The following ADCY5 variants were observed in gnomAD, a reference collection of about 807,000 sequenced individuals.
The protein encoded by ADCY5 is adenylate cyclase 5.
In ADCY5, 30 loss-of-function variants were observed where a neutral mutation model predicts 119.7. The ratio of observed to expected loss-of-function variants is 0.25; its 90% CI spans 0.19 to 0.34. The LOEUF (loss-of-function observed/expected upper bound fraction) is 0.34. Among genes scored for constraint, ADCY5 ranks in the 10% least tolerant of loss-of-function variants. The pLI is 1.00. For missense variants in ADCY5, 1,324 were observed against 1,775.2 expected, an observed-to-expected ratio of 0.75 and a Z score of 4.57; for synonymous variants, 753 against 762.2, an observed-to-expected ratio of 0.99 and a Z score of 0.20.
intron 1 of ADCY5, chr3:123,368,081 A>C: frequency 7.0e-7 from 1 of 1,424,060 alleles, no homozygotes. Context: ...CAGTGAGAGG[A>C]GTGCTATGCT....
intron 11 of ADCY5, among the ~76,000 whole-genome samples, chr3:123,317,769 A>C (rs1940997196): frequency 6.6e-6 from 1 of 151,334 alleles, no homozygotes; most frequent in Non-Finnish European, 1.5e-5. Flanking sequence ...AAAAAAAAGA[A>C]GCATCTTTCA....
chr3:123,399,623 A>C (rs1944701103), intron 1 of ADCY5, among the ~76,000 whole-genome samples: 1 of 152,060 alleles, frequency 6.6e-6, no homozygotes, highest in South Asian at 2.1e-4. Context: ...GTACAGCATC[A>C]CTTTTCTCAG....
intron 4 of ADCY5, among the ~76,000 whole-genome samples, chr3:123,331,739 T>C (rs544521253): frequency 1.3e-5 from 2 of 150,434 alleles, no homozygotes; most frequent in Non-Finnish European, 1.5e-5. Flanking sequence ...GGGATTCAAG[T>C]GCCCTTGTGG....
intron 3 of ADCY5, among the ~76,000 whole-genome samples, chr3:123,347,439 C>T (rs1467121938): frequency 1.3e-5 from 2 of 152,116 alleles, no homozygotes; most frequent in African/African-American, 4.8e-5. Flanking sequence ...ATGGTGGTGA[C>T]ATTCGGGTCC....
chr3:123,312,683 A>G (rs1940649517), intron 12 of ADCY5, among the ~76,000 whole-genome samples: 1 of 152,172 alleles, frequency 6.6e-6, no homozygotes, highest in Admixed American at 6.5e-5. Flanking sequence ...TCTTTCACTC[A>G]GCGTCATGTT....
At chr3:123,441,750 TG>T (rs1468844881) in intron 1 of ADCY5, among the ~76,000 whole-genome samples, 1 of 152,174 alleles carries the variant, frequency 6.6e-6, no homozygotes, top group Non-Finnish European at 1.5e-5. Flanking sequence ...CACTCTCCTT[TG>T]AAGTCTAGAA....
At chr3:123,306,816 C>T (rs558826625) in intron 12 of ADCY5, among the ~76,000 whole-genome samples, 99 of 152,292 alleles carry the variant, frequency 6.5e-4, no homozygotes, top group Non-Finnish European at 8.8e-4. Flanking sequence ...TGTATTCTTC[C>T]TAATAGCCTG....
At chr3:123,297,176 T>C (rs1939568063) in intron 16 of ADCY5, 177 bp downstream of exon 16, 3 of 1,352,018 alleles carry the variant, frequency 2.2e-6, no homozygotes, top group African/African-American at 1.4e-5. Context: ...GACCAGGGCC[T>C]CTGCCCCCCG....
At chr3:123,373,758 G>A (rs1003022529) in intron 1 of ADCY5, among the ~76,000 whole-genome samples, 4 of 37,074 alleles carry the variant, frequency 1.1e-4, no homozygotes, top group Non-Finnish European at 2.0e-4. Flanking sequence ...GAAGCATCAC[G>A]CCCCCCCCCC....
intron 14 of ADCY5, among the ~76,000 whole-genome samples, chr3:123,300,972 G>A (rs184139222): frequency 3.3e-5 from 5 of 152,250 alleles, no homozygotes; most frequent in Admixed American, 3.3e-4. Context: ...AAATTCTGAA[G>A]ACCAAAATAT....
At chr3:123,304,204 G>A (rs376027155) in intron 12 of ADCY5, 21 bp from the exon 13 acceptor site, 1 of 818,480 alleles carries the variant, frequency 1.2e-6, no homozygotes, top group African/African-American at 1.7e-5. Context: ...GGCAGGGGTG[G>A]AGAGGGAGGG....
rs893683034 is a variant in ADCY5 at position 123,283,499 on chromosome 3, A to G, written c.*1109T>C. On this transcript the variant is annotated 3_prime_UTR_variant, in exon 21 of 21. Transcript: ENST00000462833. ...GTGTGTACATACGTGTGCGTGTGTCAGAAAAGATGGGGCAGTGTGTCCATG... is the reference window on the plus strand; with the variant it reads ...GTGTGTACATACGTGTGCGTGTGTCGGAAAAGATGGGGCAGTGTGTCCATG... 2 of 151,486 alleles carry G rather than the reference A, an allele frequency of 1.3e-5. No homozygotes were observed. Among genetic ancestry groups the G allele is most frequent in the African/African-American group, 4.9e-5 (2 of 40,712 alleles). The allele number at this position is 151,486 out of a possible 1,614,324, so 9.4% of individuals were successfully genotyped here.
chr3:123,425,357 C>A (rs989427472), intron 1 of ADCY5, among the ~76,000 whole-genome samples: 5 of 152,274 alleles, frequency 3.3e-5, no homozygotes, highest in Admixed American at 6.5e-5. Context: ...CCTCGGGTGT[C>A]CCATTTGATG....
intron 16 of ADCY5, among the ~76,000 whole-genome samples, chr3:123,296,674 T>C (rs897583017): frequency 6.6e-6 from 1 of 151,946 alleles, no homozygotes; most frequent in Non-Finnish European, 1.5e-5. Flanking sequence ...TGCTTATCTG[T>C]ACAACAGGAT....
intron 9 of ADCY5, 72 bp from the exon 10 acceptor site, chr3:123,319,890 C>T: frequency 6.4e-7 from 1 of 1,572,330 alleles, no homozygotes. Flanking sequence ...GCTCTTCCGA[C>T]CATCCCCCCA....
At position 123,448,270 on chromosome 3, in the gene ADCY5, G is replaced by GC; in HGVS notation, c.275dup (p.Phe93LeufsTer235). On this transcript the variant is annotated frameshift_variant, in exon 1 of 21. Transcript: ENST00000462833. LOFTEE classifies it high-confidence loss of function. ...ACTTGGAGCGGAAGCTGAAGCCGAAGCCCCCGGCCAGGGGGTCGTCACCGC... is the reference window on the plus strand; with the variant it reads ...ACTTGGAGCGGAAGCTGAAGCCGAAGCCCCCCGGCCAGGGGGTCGTCACCGC... 1 of 1,514,566 alleles carries GC rather than the reference G, an allele frequency of 6.6e-7. No individual in the cohort carries two copies. The allele number at this position is 1,514,566 out of a possible 1,614,324, so 93.8% of individuals were successfully genotyped here.
In ADCY5 at chr3:123,286,632, T is replaced by A. The variant is rs199751744; in HGVS notation, c.3657+53A>T. 582 of 1,534,126 alleles carry A rather than the reference T, an allele frequency of 3.8e-4. 1 individual carries two copies. The highest frequency in any genetic ancestry group is 4.9e-4 in the Non-Finnish European group (559 of 1,145,966). On this transcript the variant is annotated intron_variant, in intron 20 of 20. Coordinates refer to ENST00000462833, the MANE Select transcript of ADCY5 (RefSeq NM_183357.3). This position sits in a 1 kb window ranked among gnomAD's most constrained non-coding sequence, Gnocchi z 4.2. ...GGCCTGCCCTGAAGACCTCTCGGTGTCAGACACAGGACCTCCCATGGGGTG... is the reference window on the plus strand; with the variant it reads ...GGCCTGCCCTGAAGACCTCTCGGTGACAGACACAGGACCTCCCATGGGGTG...
rs546271038 is a variant in ADCY5, at chr3:123,410,967, T to C, written c.1134+36445A>G. ...CCCATCCTTATTCAAACTACTTAAA[T>C]AGCTATCACCTACTGGATACGGCCT... On this transcript the variant is annotated intron_variant, in intron 1 of 20. Coordinates refer to ENST00000462833, the MANE Select transcript of ADCY5 (RefSeq NM_183357.3). Among the ~76,000 whole-genome samples the C allele has an allele frequency of 1.4e-4, 21 of 152,248 alleles. No individual in the cohort carries two copies. In the South Asian group the frequency reaches 2.9e-3, roughly 21 times the overall value.
chr3:123,421,300 T>C (rs1469872099), intron 1 of ADCY5, among the ~76,000 whole-genome samples: 1 of 152,226 alleles, frequency 6.6e-6, no homozygotes, highest in African/African-American at 2.4e-5. Flanking sequence ...GTTACTTTTA[T>C]TATCTCCACT....
Sources: allele counts gnomAD v4.1 joint callset (sites outside exome capture counted in the v4.1 genomes callset), GRCh38; gene constraint gnomAD v4.1.1; non-coding constraint Gnocchi (gnomAD v3.1); transcripts MANE v1.5; gene names NCBI Gene and HGNC (gene_info 2026-07-23, HGNC 2026-07-21).